The following TPCN1 variants were observed in gnomAD, a reference collection of about 807,000 sequenced individuals.
The protein encoded by TPCN1 is two pore channel protein 1.
A neutral mutation model predicts 108.8 loss-of-function variants in TPCN1; 52 were observed. The ratio of observed to expected loss-of-function variants is 0.48; its 90% CI spans 0.38 to 0.60. The LOEUF (loss-of-function observed/expected upper bound fraction) is 0.60. Ranked by LOEUF, TPCN1 falls within the 20% of genes least tolerant of loss-of-function variation. The pLI is 0.00. For synonymous variants in TPCN1, 446 were observed against 433.7 expected (o/e 1.03, Z -0.35); for missense variants, 806 against 1,072.8 (o/e 0.75, Z 3.47).
chr12:113,271,287 A>G (rs1955489317), intron 7 of TPCN1, among the ~76,000 whole-genome samples: 1 of 152,138 alleles, frequency 6.6e-6, no homozygotes, highest in South Asian at 2.1e-4. Flanking sequence ...AAAAATAAAT[A>G]AGTAATAATA....
At chr12:113,243,728 T>G (rs192342923) in intron 2 of TPCN1, among the ~76,000 whole-genome samples, 4 of 152,236 alleles carry the variant, frequency 2.6e-5, no homozygotes, top group Admixed American at 6.5e-5. Flanking sequence ...CACTCCAGCC[T>G]GAGCAACAAG....
chr12:113,291,785 C>T (rs929726060), intron 24 of TPCN1, 89 bp from the exon 25 acceptor site: 133 of 1,567,194 alleles, frequency 8.5e-5, no homozygotes, highest in Admixed American at 1.0e-4. Flanking sequence ...CCCATCTGGC[C>T]GGACTCTGTT....
rs1956445321 is a variant in TPCN1 at position 113,296,896 on chromosome 12, C to A, written c.*820C>A. ...GTGGAATGGGCTCTTGACCAAATCC[C>A]TTTTTTTGCGATTTACCCGTTCAAG... On this transcript the variant is annotated 3_prime_UTR_variant, in exon 28 of 28. Coordinates refer to ENST00000335509, the MANE Select transcript of TPCN1 (RefSeq NM_017901.6). The A allele has an allele frequency of 6.6e-6, 1 of 152,248 alleles. No individual in the cohort carries two copies. Among genetic ancestry groups the A allele is most frequent in the Non-Finnish European group, 1.5e-5 (1 of 68,052 alleles). The allele number at this position is 152,248 out of a possible 1,614,324, so 9.4% of individuals were successfully genotyped here. A position where few individuals can be genotyped will look rare whatever the true frequency, so the allele number is the denominator to read the frequency against.
intron 2 of TPCN1, among the ~76,000 whole-genome samples, chr12:113,245,600 CAAAAAAA>C (rs766002477): frequency 2.3e-5 from 1 of 43,204 alleles, no homozygotes; most frequent in Non-Finnish European, 4.3e-5. Context: ...GACTCCGTCT[CAAAAAAA>C]AAAAAAAAAA....
rs2136656209 is a variant in TPCN1, at chr12:113,273,835, T to C, written c.942+167T>C. ...AGGTGCGGTGTTGCAGGGAATGCCCTGTCGGGACTTCAGGAGTTCAGCCAG... is the reference window on the plus strand; with the variant it reads ...AGGTGCGGTGTTGCAGGGAATGCCCCGTCGGGACTTCAGGAGTTCAGCCAG... On this transcript the variant is annotated intron_variant, in intron 10 of 27. Coordinates refer to ENST00000335509, the MANE Select transcript of TPCN1 (RefSeq NM_017901.6). The surrounding 1 kb of genome is among the most constrained non-coding windows in gnomAD (Gnocchi z 4.0). Among the ~76,000 whole-genome samples, 1 of 152,290 alleles carries C rather than the reference T, an allele frequency of 6.6e-6. No individual in the cohort carries two copies. Among genetic ancestry groups the C allele is most frequent in the Middle Eastern group, 3.4e-3 (1 of 294 alleles).
At chr12:113,250,471 G>T (rs562980166) in intron 2 of TPCN1, among the ~76,000 whole-genome samples, 113 of 152,312 alleles carry the variant, frequency 7.4e-4, no homozygotes, top group African/African-American at 2.5e-3. Context: ...TTGAGGCCAC[G>T]TGGTGATGGG....
At chr12:113,244,569 G>C (rs1954274795) in intron 2 of TPCN1, 1 of 985,438 alleles carries the variant, frequency 1.0e-6, no homozygotes. Flanking sequence ...CGGCACAGAA[G>C]CATGGTGGCA....
Position 113,288,220 on chromosome 12 carries a change from G to A in TPCN1, c.1692G>A (p.Leu564=), listed in dbSNP as rs142844232. The A allele has an allele frequency of 1.2e-4, 200 of 1,613,770 alleles. No individual in the cohort carries two copies. Among genetic ancestry groups the A allele is most frequent in the Non-Finnish European group, 1.4e-4 (168 of 1,179,966 alleles). ...TGCTGGACACCATGTTCGAGCTGCT[G>A]CCCCGGATGGCCAGGTACTGCCAGC... The part of the protein sequence containing the change: ...RNVLDTMFEL[L]PRMASLGLTL... Residue 564 remains leucine (L), a synonymous_variant, in exon 20 of 28, where the codon CTG becomes CTA. Transcript: ENST00000335509. The surrounding 1 kb of genome is among the most constrained non-coding windows in gnomAD (Gnocchi z 4.8).
intron 10 of TPCN1, among the ~76,000 whole-genome samples, chr12:113,274,837 C>T (rs1161604639): frequency 2.6e-5 from 4 of 152,224 alleles, no homozygotes; most frequent in Non-Finnish European, 4.4e-5. Flanking sequence ...ATCCCAGAGC[C>T]CTGTTCCTAA....
rs570766653 is a variant in TPCN1 at position 113,292,025 on chromosome 12, G to A, written c.2113+67G>A. 2.0e-5 allele frequency: 28 copies of A among 1,424,160 alleles called. 1 individual carries two copies. In the African/African-American group the frequency reaches 3.8e-4, roughly 19 times the overall value. The allele number at this position is 1,424,160 out of a possible 1,614,324, so 88.2% of individuals were successfully genotyped here. A position where few individuals can be genotyped will look rare whatever the true frequency, so the allele number is the denominator to read the frequency against. On this transcript the variant is annotated intron_variant, in intron 25 of 27. Coordinates refer to ENST00000335509, the MANE Select transcript of TPCN1 (RefSeq NM_017901.6). ...CCTACCCAGCTCTGTCTGTCTGTCT[G>A]GGTGGCTGTCCAGCCAGCCATCAGG...
At chr12:113,277,472 C>T (rs1355957402) in intron 12 of TPCN1, 108 bp downstream of exon 12, 1 of 1,333,296 alleles carries the variant, frequency 7.5e-7, no homozygotes, top group East Asian at 2.4e-5. Context: ...ATAGGCTTGT[C>T]AGAGACTTCC....
At position 113,288,350 on chromosome 12, in the gene TPCN1, G is replaced by T; in HGVS notation, c.1706+116G>T. 6.5e-7 allele frequency: 1 copy of T among 1,529,508 alleles called. No individual in the cohort carries two copies. The highest frequency in any genetic ancestry group is 8.8e-7 in the Non-Finnish European group (1 of 1,140,358). 94.7% of individuals were successfully genotyped at this position (1,529,508 alleles called of 1,614,324 possible). ...GAGTTCCACAAAGGACTGCAATCGA[G>T]GGCCTGACGGGGCTCCAAGGAGCCT... is the stretch of plus-strand genomic sequence containing the variant. On this transcript the variant is annotated intron_variant, in intron 20 of 27. Transcript: ENST00000335509. This position sits in a 1 kb window ranked among gnomAD's most constrained non-coding sequence, Gnocchi z 4.8.
chr12:113,250,220 C>G (rs978745621), intron 2 of TPCN1, among the ~76,000 whole-genome samples: 2 of 152,218 alleles, frequency 1.3e-5, no homozygotes, highest in Non-Finnish European at 2.9e-5. Context: ...TTGGCGCCAG[C>G]AGGATCTAGG....
intron 2 of TPCN1, 97 bp downstream of exon 2, chr12:113,227,061 C>G (rs1953497836): frequency 9.8e-7 from 1 of 1,017,740 alleles, no homozygotes; most frequent in East Asian, 2.6e-5. Context: ...GGGTGTGTAA[C>G]TTGTTGCCTG....
At chr12:113,227,716 G>T (rs1226554340) in intron 2 of TPCN1, among the ~76,000 whole-genome samples, 3 of 152,130 alleles carry the variant, frequency 2.0e-5, no homozygotes, top group Non-Finnish European at 2.9e-5. Context: ...GTGCTTTAGG[G>T]TCTGCTTAGC....
intron 14 of TPCN1, 151 bp downstream of exon 14, chr12:113,278,986 C>T: frequency 1.4e-6 from 1 of 707,732 alleles, no homozygotes; most frequent in South Asian, 1.9e-5. Context: ...TGTGATTACC[C>T]CAGCAGGGAC....
intron 2 of TPCN1, chr12:113,244,484 G>A (rs554977532): frequency 1.0e-6 from 1 of 985,440 alleles, no homozygotes; most frequent in South Asian, 4.7e-5. Context: ...CCTGAGCAGG[G>A]GGATGTGCAT....
intron 3 of TPCN1, among the ~76,000 whole-genome samples, chr12:113,263,011 C>T (rs927112353): frequency 6.6e-6 from 1 of 152,136 alleles, no homozygotes; most frequent in Admixed American, 6.5e-5. Context: ...AGTTATGGAA[C>T]AGCTGGTGTT....
rs61943612 is a variant in TPCN1 at position 113,268,488 on chromosome 12, G to T, written c.529-254G>T. Among the ~76,000 whole-genome samples, 1 of 152,180 alleles carries T rather than the reference G, an allele frequency of 6.6e-6. No homozygotes were observed. The highest frequency in any genetic ancestry group is 1.9e-4 in the East Asian group (1 of 5,194). On this transcript the variant is annotated intron_variant, in intron 5 of 27. Coordinates refer to ENST00000335509, the MANE Select transcript of TPCN1 (RefSeq NM_017901.6). This position sits in a 1 kb window ranked among gnomAD's most constrained non-coding sequence, Gnocchi z 7.3. ...GATCGAGGGGTCCTGGCAGAGTGGC[G>T]GTTTTGCCTCCTCAGTGGATACCAG...
Sources: gnomAD v4.1 joint callset for allele counts (sites outside exome capture counted in the v4.1 genomes callset) on GRCh38, gnomAD v4.1.1 for gene constraint, Gnocchi (gnomAD v3.1) non-coding constraint, MANE v1.5 for transcripts, NCBI Gene and HGNC (gene_info 2026-07-23, HGNC 2026-07-21) for gene names.